Variants in GLRA2 observed in about 807,000 individuals in gnomAD.
The protein encoded by GLRA2 is glycine receptor alpha 2.
A neutral mutation model predicts 31.6 loss-of-function variants in GLRA2; 11 were observed. That is an observed-to-expected ratio of 0.35 (90% CI 0.22 to 0.58). The LOEUF (loss-of-function observed/expected upper bound fraction) is 0.58. Ranked by LOEUF, GLRA2 falls within the 20% of genes least tolerant of loss-of-function variation. The pLI is 0.84. For synonymous variants in GLRA2, 132 were observed against 134.0 expected, an observed-to-expected ratio of 0.99 and a Z score of 0.10; for missense variants, 212 against 351.8, an observed-to-expected ratio of 0.60 and a Z score of 3.18.
At chrX:14,606,627 C>T (rs1037179160) in intron 5 of GLRA2, among the ~76,000 whole-genome samples, 1 of 111,258 alleles carries the variant, frequency 9.0e-6, no homozygotes, top group African/African-American at 3.3e-5. Flanking sequence ...GAATGCAAAG[C>T]TAATAGACCC....
intron 2 of GLRA2, among the ~76,000 whole-genome samples, chrX:14,551,478 G>A (rs1263638956): frequency 1.8e-5 from 2 of 110,968 alleles, no homozygotes; most frequent in Non-Finnish European, 3.8e-5. Flanking sequence ...TAGATCGTGG[G>A]GTGGAGGTAT....
chrX:14,520,982 A>G, the GLRA2 span, among the ~76,000 whole-genome samples: 1 of 112,557 alleles, frequency 8.9e-6, no homozygotes, highest in African/African-American at 3.2e-5. Flanking sequence ...GGGCTCTTTA[A>G]TATGCCTTTG....
the GLRA2 span, among the ~76,000 whole-genome samples, chrX:14,517,609 C>T: frequency 9.0e-6 from 1 of 111,721 alleles, no homozygotes; most frequent in Non-Finnish European, 1.9e-5. Flanking sequence ...GATTGAATTA[C>T]CTCCCACCGG....
intron 8 of GLRA2, among the ~76,000 whole-genome samples, chrX:14,698,371 A>G (rs909392810): frequency 9.1e-6 from 1 of 110,182 alleles, no homozygotes; most frequent in African/African-American, 3.3e-5. Flanking sequence ...ATTTTTTTTT[A>G]ATTATTTAAA....
Position 14,532,212 on chromosome X carries a change from T to G in GLRA2, c.69-27T>G, listed in dbSNP as rs759650239. ...TCTCAAGGGATGCAAATGAAATTGT[T>G]GCTAAAAGAGTTAATGATGTGTTTA... On this transcript the variant is annotated intron_variant, in intron 1 of 8. Coordinates refer to ENST00000218075, the MANE Select transcript of GLRA2 (RefSeq NM_002063.4). The G allele has an allele frequency of 2.8e-6, 3 of 1,069,946 alleles. No individual in the cohort carries two copies. In the South Asian group the frequency reaches 8.0e-5, roughly 28 times the overall value. 88.2% of individuals were successfully genotyped at this position (1,069,946 alleles called of 1,213,427 possible).
chrX:14,511,350 T>C, the GLRA2 span, among the ~76,000 whole-genome samples: 5 of 111,932 alleles, frequency 4.5e-5, no homozygotes, highest in East Asian at 5.6e-4. Flanking sequence ...CTTAGTCTTA[T>C]ATGTACATTA....
At chrX:14,716,180 C>T (rs1399614709) in intron 8 of GLRA2, among the ~76,000 whole-genome samples, 1 of 111,228 alleles carries the variant, frequency 9.0e-6, no homozygotes, top group Non-Finnish European at 1.9e-5. Context: ...AATATATCAA[C>T]CAGCTAGAGA....
At chrX:14,548,291 A>G (rs2089507548) in intron 2 of GLRA2, among the ~76,000 whole-genome samples, 1 of 111,614 alleles carries the variant, frequency 9.0e-6, no homozygotes, top group Non-Finnish European at 1.9e-5. Context: ...AGGGACACTC[A>G]TTCCCCATCT....
the GLRA2 span, among the ~76,000 whole-genome samples, chrX:14,453,786 C>T: frequency 8.9e-6 from 1 of 111,782 alleles, no homozygotes; most frequent in African/African-American, 3.2e-5. Flanking sequence ...CTGGAAGCAA[C>T]ACAGATGTCC....
At chrX:14,592,660 A>G (rs1366445852) in intron 4 of GLRA2, among the ~76,000 whole-genome samples, 2 of 111,479 alleles carry the variant, frequency 1.8e-5, no homozygotes, top group Admixed American at 9.6e-5. Context: ...TGACAAAGTG[A>G]GACTCTGTCT....
At chrX:14,508,451 G>A in the GLRA2 span, among the ~76,000 whole-genome samples, 2 of 112,195 alleles carry the variant, frequency 1.8e-5, no homozygotes, top group African/African-American at 6.5e-5. Context: ...TTGAGGACAA[G>A]AGTGGCATTT....
chrX:14,494,708 G>C, the GLRA2 span, among the ~76,000 whole-genome samples: 1 of 111,469 alleles, frequency 9.0e-6, no homozygotes, highest in Admixed American at 9.5e-5. Context: ...CGGTTGTCTT[G>C]CTCTTTTTAG....
chrX:14,492,723 G>T, the GLRA2 span, among the ~76,000 whole-genome samples: 1 of 111,524 alleles, frequency 9.0e-6, no homozygotes, highest in Non-Finnish European at 1.9e-5. Context: ...GAACAAATGA[G>T]AACCAAAATT....
chrX:14,646,555 A>G (rs923642864), intron 7 of GLRA2, among the ~76,000 whole-genome samples: 1 of 112,010 alleles, frequency 8.9e-6, no homozygotes, highest in Admixed American at 9.5e-5. Context: ...CAAAGACTGC[A>G]CTTTTAACTG....
At chrX:14,708,483 G>A (rs2091662466) in intron 8 of GLRA2, among the ~76,000 whole-genome samples, 1 of 111,305 alleles carries the variant, frequency 9.0e-6, no homozygotes, top group African/African-American at 3.3e-5. Flanking sequence ...CTAAGCCCTC[G>A]CTTTTGTTTG....
the GLRA2 span, among the ~76,000 whole-genome samples, chrX:14,494,575 C>T: frequency 9.0e-6 from 1 of 111,148 alleles, no homozygotes; most frequent in African/African-American, 3.3e-5. Flanking sequence ...ATTCCCCAAT[C>T]CTAGCTATAT....
At position 14,713,857 on chromosome X, in the gene GLRA2, T is replaced by C. The variant is rs181117538; in HGVS notation, c.1081-16350T>C. Among the ~76,000 whole-genome samples the C allele has an allele frequency of 4.5e-5, 5 of 111,261 alleles. No individual in the cohort carries two copies. The East Asian group carries it at 1.1e-3, about 25-fold the overall frequency. On this transcript the variant is annotated intron_variant, in intron 8 of 8. Transcript: ENST00000218075. ...GGAGAACCACTGGAGAGTTTTGAGC[T>C]GAAGATGACCTGATTTGACTGGAAA...
the GLRA2 span, among the ~76,000 whole-genome samples, chrX:14,467,106 G>A: frequency 8.9e-6 from 1 of 112,162 alleles, no homozygotes; most frequent in Admixed American, 9.5e-5. Context: ...ATATTTTGAT[G>A]TTCCCTTTGA....
At chrX:14,458,421 G>C in the GLRA2 span, among the ~76,000 whole-genome samples, 1 of 111,747 alleles carries the variant, frequency 8.9e-6, no homozygotes, top group Admixed American at 9.5e-5. Flanking sequence ...GGTATTTCTA[G>C]TTCTAGATCC....
Sources: gnomAD v4.1 joint callset for allele counts (sites outside exome capture counted in the v4.1 genomes callset) on GRCh38, gnomAD v4.1.1 for gene constraint, MANE v1.5 for transcripts, NCBI Gene and HGNC (gene_info 2026-07-23, HGNC 2026-07-21) for gene names.